The following PIK3C2A variants were observed in gnomAD, a reference collection of about 807,000 sequenced individuals.
The protein encoded by PIK3C2A is phosphatidylinositol 4-phosphate 3-kinase C2 domain-containing subunit alpha.
PIK3C2A carries 97 observed loss-of-function variants against 204.5 expected under a neutral mutation model. The ratio of observed to expected loss-of-function variants is 0.47; its 90% CI spans 0.40 to 0.56. The LOEUF (loss-of-function observed/expected upper bound fraction) is 0.56, where lower values mean the gene tolerates loss of function less well. Ranked by LOEUF, PIK3C2A falls within the 20% of genes least tolerant of loss-of-function variation. PIK3C2A has a pLI of 0.00. For synonymous variants in PIK3C2A, 653 were observed against 664.4 expected, an observed-to-expected ratio of 0.98 and a Z score of 0.26; for missense variants, 1,735 against 1,969.2, an observed-to-expected ratio of 0.88 and a Z score of 2.25.
intron 27 of PIK3C2A, among the ~76,000 whole-genome samples, 153 bp downstream of exon 27, chr11:17,096,904 C>T (rs529562673): frequency 3.9e-5 from 6 of 152,264 alleles, no homozygotes; most frequent in South Asian, 4.1e-4. Flanking sequence ...GTTAGGGATG[C>T]TTCAAGTACA....
chr11:17,101,784 T>C (rs1305677935), intron 24 of PIK3C2A, among the ~76,000 whole-genome samples: 3 of 151,788 alleles, frequency 2.0e-5, no homozygotes, highest in South Asian at 2.1e-4. Flanking sequence ...TTTGTATTTT[T>C]AGTAGAGGCG....
Position 17,155,557 on chromosome 11 carries a change from C to G in PIK3C2A, c.1138G>C (p.Glu380Gln), listed in dbSNP as rs754769770. Residue 380 changes from glutamate to glutamine, a missense_variant, in exon 3 of 33, where the codon GAG becomes CAG. Around this residue, in one of 6 missense-constraint regions of PIK3C2A, gnomAD observed 536 missense variants for 546.7 expected, o/e 0.98. Coordinates refer to ENST00000691414, the MANE Select transcript of PIK3C2A (RefSeq NM_002645.4). ...LLQEVEVQNE[E>Q]MAAFCRSITK... The stretch of plus-strand genomic sequence containing the variant: ...ATGGATCGACAAAAAGCTGCCATCT[C>G]CTCATTCTGTACTTCAACTTCTTGA... 6.2e-7 allele frequency: 1 copy of G among 1,604,502 alleles called. No individual in the cohort carries two copies. Among genetic ancestry groups the G allele is most frequent in the Admixed American group, 1.7e-5 (1 of 59,954 alleles).
At position 17,166,111 on chromosome 11, in the gene PIK3C2A, T is replaced by C. The variant is rs188025586; in HGVS notation, c.1065+2566A>G. 1.9e-3 allele frequency among the ~76,000 whole-genome samples: 284 copies of C among 152,302 alleles called. 2 individuals carry two copies. Among genetic ancestry groups the C allele is most frequent in the Non-Finnish European group, 2.2e-3 (153 of 68,036 alleles). On this transcript the variant is annotated intron_variant, in intron 2 of 32. Transcript: ENST00000691414. ...CATTTAATTAATTGCAATACCATTATTACACCAAAATATTAACAGTAATTC... is the reference window on the plus strand; with the variant it reads ...CATTTAATTAATTGCAATACCATTACTACACCAAAATATTAACAGTAATTC...
chr11:17,132,284 CATA>C (rs879071614), intron 11 of PIK3C2A, among the ~76,000 whole-genome samples: 17 of 147,818 alleles, frequency 1.2e-4, no homozygotes, highest in African/African-American at 3.7e-4. Context: ...AAAGCATGGT[CATA>C]ATAACACCAG....
intron 2 of PIK3C2A, among the ~76,000 whole-genome samples, chr11:17,157,063 C>T (rs1388856629): frequency 1.3e-5 from 2 of 152,194 alleles, no homozygotes; most frequent in African/African-American, 4.8e-5. Flanking sequence ...AATACTAGCA[C>T]AGTTAAATGT....
intron 1 of PIK3C2A, among the ~76,000 whole-genome samples, chr11:17,187,189 A>T (rs1281823157): frequency 1.3e-5 from 2 of 152,190 alleles, no homozygotes; most frequent in Non-Finnish European, 2.9e-5. Context: ...TAGAGTGAAG[A>T]TAAAAAAGAA....
intron 1 of PIK3C2A, among the ~76,000 whole-genome samples, chr11:17,206,138 G>C (rs1852565351): frequency 6.6e-6 from 1 of 152,076 alleles, no homozygotes; most frequent in East Asian, 1.9e-4. Context: ...TGTAAAACCT[G>C]TGATGAAAAC....
At chr11:17,091,767 A>C (rs1848317315) in intron 30 of PIK3C2A, 111 bp from the exon 31 acceptor site, 1 of 731,592 alleles carries the variant, frequency 1.4e-6, no homozygotes, top group Non-Finnish European at 2.3e-6. Flanking sequence ...GACAGAAGGG[A>C]GGGGAAAAAG....
At chr11:17,137,674 G>A (rs997031564) in intron 8 of PIK3C2A, among the ~76,000 whole-genome samples, 1 of 152,172 alleles carries the variant, frequency 6.6e-6, no homozygotes, top group South Asian at 2.1e-4. Context: ...CTCCCAAAGT[G>A]CTGGGATGAC....
intron 1 of PIK3C2A, among the ~76,000 whole-genome samples, chr11:17,176,162 C>T (rs1180271586): frequency 6.6e-6 from 1 of 150,544 alleles, no homozygotes; most frequent in East Asian, 1.9e-4. Flanking sequence ...CACCACCATG[C>T]CCGGCTCATT....
chr11:17,179,219 C>T (rs667984), intron 1 of PIK3C2A, among the ~76,000 whole-genome samples: 87,934 of 151,942 alleles, frequency 0.58, 25,795 homozygotes, highest in East Asian at 0.82. Flanking sequence ...TGAAGTGCAG[C>T]GGCTCGATCA....
intron 13 of PIK3C2A, among the ~76,000 whole-genome samples, chr11:17,128,704 G>A (rs1049596803): frequency 1.3e-5 from 2 of 152,116 alleles, no homozygotes; most frequent in African/African-American, 4.8e-5. Context: ...TCAGCTGAAA[G>A]GCCATATAGA....
At chr11:17,106,703 G>C (rs552273115) in intron 22 of PIK3C2A, among the ~76,000 whole-genome samples, 4 of 152,114 alleles carry the variant, frequency 2.6e-5, no homozygotes, top group Admixed American at 2.6e-4. Flanking sequence ...CAGCTTCCCA[G>C]AGTGCTGGGA....
chr11:17,094,298 T>C lies in PIK3C2A; in HGVS notation c.4414A>G (p.Lys1472Glu). 1 of 1,610,568 alleles carries C rather than the reference T, an allele frequency of 6.2e-7. No individual in the cohort carries two copies. The highest frequency in any genetic ancestry group is 2.2e-5 in the East Asian group (1 of 44,852). The change falls in exon 28 of 33, where the codon AAG (lysine) becomes GAG (glutamate). Residue 1472 changes from lysine to glutamate, a missense_variant. Transcript: ENST00000691414. ...CAAAGTGGAAAAATAATACTGAGCTTATTGTGAAGTTCCTGAAATTCGTCA... is the reference window on the plus strand; with the variant it reads ...CAAAGTGGAAAAATAATACTGAGCTCATTGTGAAGTTCCTGAAATTCGTCA... ...TFDEFQELHN[K>E]LSIIFPLWKL...
At chr11:17,103,093 C>G (rs927322514) in intron 23 of PIK3C2A, among the ~76,000 whole-genome samples, 1 of 151,802 alleles carries the variant, frequency 6.6e-6, no homozygotes, top group Non-Finnish European at 1.5e-5. Flanking sequence ...TACTTAGGTA[C>G]GTGCTGCCTT....
chr11:17,182,403 C>G lies in PIK3C2A; in HGVS notation c.-65-12597G>C, dbSNP rs1277459792. ...GCAACATGGCAAAACCCCATCTCTACACAAATTTTAAAAATTAGCTAGGCA... is the reference window on the plus strand; with the variant it reads ...GCAACATGGCAAAACCCCATCTCTAGACAAATTTTAAAAATTAGCTAGGCA... On this transcript the variant is annotated intron_variant, in intron 1 of 32. Transcript: ENST00000691414. Among the ~76,000 whole-genome samples, 4 of 151,892 alleles carry G rather than the reference C, an allele frequency of 2.6e-5. No homozygotes were observed. In the East Asian group the frequency reaches 5.8e-4, roughly 22 times the overall value.
rs1208489473 is a variant in PIK3C2A, at chr11:17,087,226, C to G, written c.*2512G>C. The G allele has an allele frequency of 1.3e-5, 2 of 152,074 alleles. No individual in the cohort carries two copies. The highest frequency in any genetic ancestry group is 2.9e-5 in the Non-Finnish European group (2 of 67,984). 9.4% of individuals were successfully genotyped at this position (152,074 alleles called of 1,614,324 possible). A position where few individuals can be genotyped will look rare whatever the true frequency, so the allele number is the denominator to read the frequency against. On this transcript the variant is annotated 3_prime_UTR_variant, in exon 33 of 33. Transcript: ENST00000691414. ...TTAGTGTCTTGGCCAGTTTGTTAAA[C>G]TTTTTTTAGATTTACTTTAATGTCA...
intron 1 of PIK3C2A, among the ~76,000 whole-genome samples, chr11:17,206,587 T>C (rs1314506017): frequency 4.1e-5 from 6 of 145,840 alleles, no homozygotes; most frequent in Admixed American, 4.1e-4. Context: ...CCCATGTCAA[T>C]TAAAAAAAAA....
rs368210046 is a variant in PIK3C2A at position 17,168,592 on chromosome 11, CAAAAACA to C, written c.1065+78_1065+84del. ...CGAGACTCCTTCTTAAAAACAAAAACAAAAACAAAAAAACACAAATTATGTACACAAA... is the reference window on the plus strand; with the variant it reads ...CGAGACTCCTTCTTAAAAACAAAAACAAAAAACACAAATTATGTACACAAA... On this transcript the variant is annotated intron_variant, in intron 2 of 32. Coordinates refer to ENST00000691414, the MANE Select transcript of PIK3C2A (RefSeq NM_002645.4). 2.0e-5 allele frequency: 21 copies of C among 1,067,454 alleles called. No homozygotes were observed. The African/African-American group carries it at 2.6e-4, about 13-fold the overall frequency. 66.1% of individuals were successfully genotyped at this position (1,067,454 alleles called of 1,614,324 possible). A position where few individuals can be genotyped will look rare whatever the true frequency, so the allele number is the denominator to read the frequency against.
Sources: gnomAD v4.1 joint callset for allele counts (sites outside exome capture counted in the v4.1 genomes callset) on GRCh38, gnomAD v4.1.1 for gene constraint, gnomAD v4.1.1 regional missense constraint, MANE v1.5 for transcripts, NCBI Gene and HGNC (gene_info 2026-07-23, HGNC 2026-07-21) for gene names.